ZNF577: variants seen among roughly 807,000 people sequenced by gnomAD.
ZNF577 encodes the protein zinc finger protein 577.
ZNF577 carries 14 observed loss-of-function variants against 13.9 expected under a neutral mutation model. The ratio of observed to expected loss-of-function variants is 1.00; its 90% CI spans 0.66 to 1.57. ZNF577 has a LOEUF of 1.57. Ranked by LOEUF, ZNF577 falls within the 40% of genes most tolerant of loss-of-function variation. The pLI is 0.00. For synonymous variants in ZNF577, 203 were observed against 202.9 expected, an observed-to-expected ratio of 1.00 and a Z score of 0.00; for missense variants, 555 against 579.2, an observed-to-expected ratio of 0.96 and a Z score of 0.43.
chr19:51,846,539 C>T (rs759663599), intron 5 of ZNF577, among the ~76,000 whole-genome samples: 1 of 152,094 alleles, frequency 6.6e-6, no homozygotes, highest in Non-Finnish European at 1.5e-5. Flanking sequence ...AAAACCGTGT[C>T]TCTACTAAAA....
At chr19:51,811,785 G>C (rs2084098526) in intron 9 of ZNF577, 2 of 135,534 alleles carry the variant, frequency 1.5e-5, no homozygotes, top group Non-Finnish European at 3.2e-5. Flanking sequence ...CTCGGCACCA[G>C]GAGGCGACTC....
chr19:51,873,618 G>T lies in ZNF577; in HGVS notation c.372C>A (p.Asp124Glu). Residue 124 changes from aspartate (D) to glutamate (E), a missense_variant, in exon 6 of 6, where the codon GAC becomes GAA. Physicochemically the swap from Asp to Glu is conservative, Grantham distance 45. Transcript: ENST00000638348. The part of the protein sequence containing the change: ...YGRSCLHIKR[D>E]KTLTGVKYHR... The stretch of plus-strand genomic sequence containing the variant: ...GGTATTTAACTCCAGTAAGAGTTTT[G>T]TCACGCTTGATATGGAGGCATGATC... 1.9e-6 allele frequency: 3 copies of T among 1,614,164 alleles called. No individual in the cohort carries two copies. Among genetic ancestry groups the T allele is most frequent in the Non-Finnish European group, 2.5e-6 (3 of 1,180,028 alleles).
chr19:51,850,854 T>G (rs1343628918), intron 5 of ZNF577, among the ~76,000 whole-genome samples: 2 of 152,218 alleles, frequency 1.3e-5, no homozygotes, highest in African/African-American at 2.4e-5. Context: ...GTCATAGAAC[T>G]GTAGACCAAA....
chr19:51,872,662 G>A lies in ZNF577; in HGVS notation c.1328C>T (p.Pro443Leu). The A allele has an allele frequency of 6.2e-7, 1 of 1,614,186 alleles. No individual in the cohort carries two copies. The highest frequency in any genetic ancestry group is 8.5e-7 in the Non-Finnish European group (1 of 1,180,036). The change falls in exon 6 of 6, where the codon CCT (proline) becomes CTT (leucine). Residue 443 changes from proline to leucine, a missense_variant. Pro to Leu is a moderately conservative substitution (Grantham distance 98). Transcript: ENST00000638348. ...VGRNVVIVEQ[P>L]FPRNQAFVVN... The stretch of plus-strand genomic sequence containing the variant: ...TACAAAGGCTTGATTTCTTGGAAAA[G>A]GTTGTTCCACAATCACTACATTTCT...
At chr19:51,850,819 G>A (rs1344718310) in intron 5 of ZNF577, among the ~76,000 whole-genome samples, 1 of 152,124 alleles carries the variant, frequency 6.6e-6, no homozygotes, top group East Asian at 1.9e-4. Context: ...TAATCATGGT[G>A]GTAACATGAT....
At chr19:51,834,941 T>A (rs2122526082) in intron 9 of ZNF577, among the ~76,000 whole-genome samples, 1 of 152,314 alleles carries the variant, frequency 6.6e-6, no homozygotes, top group Non-Finnish European at 1.5e-5. Context: ...AACCTGAGCC[T>A]CCCTTACAGG....
intron 3 of ZNF577, 94 bp from the exon 4 acceptor site, chr19:51,878,609 C>A (rs12150982): frequency 0.25 from 371,046 of 1,483,722 alleles, 51,642 homozygotes; most frequent in African/African-American, 0.48. Context: ...TTCTCCATGA[C>A]AACGTATGCA....
rs1192411588 is a variant in ZNF577, at chr19:51,874,502, G to C, written c.284-796C>G. ...TTAGGTGTGATAAAAAAAAAAAAAT[G>C]TAAGAGAAGCTGGTTTACCCGGAAT... On this transcript the variant is annotated intron_variant, in intron 5 of 5. Coordinates refer to ENST00000638348, the MANE Select transcript of ZNF577 (RefSeq NM_001370449.1). Among the ~76,000 whole-genome samples, 4 of 145,080 alleles carry C rather than the reference G, an allele frequency of 2.8e-5. No homozygotes were observed. In the South Asian group the frequency reaches 9.4e-4, roughly 34 times the overall value.
chr19:51,815,633 C>CA lies in ZNF577; in HGVS notation c.*600-3960dup, dbSNP rs1335279750. 1.1e-4 allele frequency among the ~76,000 whole-genome samples: 17 copies of CA among 151,658 alleles called. No individual in the cohort carries two copies. The East Asian group carries it at 2.9e-3, about 26-fold the overall frequency. ...TTGTCATCCCAGCACTTTGTGAGGC[C>CA]AAGGTGGGCAGATCGCTTTAAGCCC... On this transcript the variant is annotated intron_variant and NMD_transcript_variant, in intron 9 of 10. Transcript: ENST00000638827.
chr19:51,872,551 G>C lies in ZNF577; in HGVS notation c.1439C>G (p.Thr480Arg). 6.3e-7 allele frequency: 1 copy of C among 1,592,486 alleles called. No individual in the cohort carries two copies. The highest frequency in any genetic ancestry group is 1.4e-5 in the African/African-American group (1 of 73,918). The change falls in exon 6 of 6, where the codon ACA becomes AGA. Residue 480 changes from threonine to arginine, a missense_variant. Coordinates refer to ENST00000638348, the MANE Select transcript of ZNF577 (RefSeq NM_001370449.1). ...PSVINYILYL[T>R]DIVSE ...GAAGATTTATTCTGATACAATATCT[G>C]TAAGATACAAGATATAATTTATTAC...
At chr19:51,877,505 G>A in intron 4 of ZNF577, 128 bp from the exon 5 acceptor site, 2 of 711,714 alleles carry the variant, frequency 2.8e-6, no homozygotes, top group Non-Finnish European at 4.8e-6. Flanking sequence ...CTCAGGAAAA[G>A]AGCACAACCA....
rs925674279 is a variant in ZNF577, at chr19:51,887,763, T to C, written c.-1161A>G. 6.6e-6 allele frequency: 1 copy of C among 150,916 alleles called. No individual in the cohort carries two copies. Among genetic ancestry groups the C allele is most frequent in the Non-Finnish European group, 1.5e-5 (1 of 67,818 alleles). 9.3% of individuals were successfully genotyped at this position (150,916 alleles called of 1,614,324 possible). ...TCCCCGCAACACGGACCTCACGCGC[T>C]AGCGAACAACAGAAAAAAAAAAGCG... On this transcript the variant is annotated 5_prime_UTR_variant, in exon 1 of 6. Coordinates refer to ENST00000638348, the MANE Select transcript of ZNF577 (RefSeq NM_001370449.1).
chr19:51,878,623 C>T, intron 3 of ZNF577, 108 bp from the exon 4 acceptor site: 1 of 1,385,542 alleles, frequency 7.2e-7, no homozygotes, highest in Non-Finnish European at 9.9e-7. Flanking sequence ...GTATGCACAC[C>T]ATGGCTATTT....
At chr19:51,854,226 G>A (rs1361322492) in intron 5 of ZNF577, among the ~76,000 whole-genome samples, 2 of 152,108 alleles carry the variant, frequency 1.3e-5, no homozygotes, top group African/African-American at 4.8e-5. Context: ...TATCCTCAGT[G>A]CTCATCTGAT....
intron 5 of ZNF577, among the ~76,000 whole-genome samples, chr19:51,853,339 T>C (rs542563311): frequency 6.6e-6 from 1 of 150,474 alleles, no homozygotes; most frequent in East Asian, 1.9e-4. Context: ...AGATACTTCT[T>C]AGAACCCACT....
At chr19:51,844,432 T>C (rs2084339162) in intron 6 of ZNF577, among the ~76,000 whole-genome samples, 1 of 152,204 alleles carries the variant, frequency 6.6e-6, no homozygotes. Flanking sequence ...AACGATTTTA[T>C]GTGCTTTCTC....
intron 9 of ZNF577, among the ~76,000 whole-genome samples, chr19:51,833,803 G>A (rs2084273448): frequency 6.6e-6 from 1 of 152,144 alleles, no homozygotes; most frequent in Admixed American, 6.5e-5. Flanking sequence ...TATGAGGCTG[G>A]AATTTTGGGA....
At chr19:51,813,755 C>T (rs2084114773) in intron 9 of ZNF577, among the ~76,000 whole-genome samples, 1 of 152,096 alleles carries the variant, frequency 6.6e-6, no homozygotes, top group Admixed American at 6.5e-5. Context: ...AGGATGGACT[C>T]GATCTCCTGA....
At chr19:51,820,008 A>G (rs1206100988) in intron 9 of ZNF577, among the ~76,000 whole-genome samples, 2 of 152,240 alleles carry the variant, frequency 1.3e-5, no homozygotes, top group Non-Finnish European at 1.5e-5. Flanking sequence ...CTTTATTCAC[A>G]ATAGCAAGGG....
Sources: allele counts gnomAD v4.1 joint callset (sites outside exome capture counted in the v4.1 genomes callset), GRCh38; gene constraint gnomAD v4.1.1; transcripts MANE v1.5; gene names NCBI Gene and HGNC (gene_info 2026-07-23, HGNC 2026-07-21).